Variants in DNAH9 observed in about 807,000 individuals in gnomAD.
The protein encoded by DNAH9 is dynein axonemal heavy chain 9, also known as DNAH9 variant protein.
Under a neutral mutation model 471.6 loss-of-function variants are expected in DNAH9, and 345 were observed. The ratio of observed to expected loss-of-function variants is 0.73; its 90% CI spans 0.67 to 0.80. DNAH9 has a LOEUF of 0.80. DNAH9 is among the 30% of genes least tolerant of loss of function. DNAH9 has a pLI of 0.00. For missense variants in DNAH9, 5,407 were observed against 5,609.2 expected (o/e 0.96, Z 1.15); for synonymous variants, 2,093 against 2,123.6 (o/e 0.99, Z 0.40).
intron 28 of DNAH9, among the ~76,000 whole-genome samples, chr17:11,729,945 G>A (rs2075230190): frequency 6.6e-6 from 1 of 152,208 alleles, no homozygotes. Flanking sequence ...GAAAGCCACA[G>A]GCAGTCAAGA....
rs117485230 is a variant in DNAH9, at chr17:11,741,474, C to T, written c.5973-701C>T. Among the ~76,000 whole-genome samples, 1,245 of 149,400 alleles carry T rather than the reference C, an allele frequency of 8.3e-3. 9 individuals carry two copies. Among genetic ancestry groups the T allele is most frequent in the Non-Finnish European group, 0.011 (764 of 67,994 alleles). On this transcript the variant is annotated intron_variant, in intron 29 of 68. Transcript: ENST00000262442. ...CACCATCTTAATACATATTTTAGAC[C>T]TCATCATTAGAAATTTACATTTGTA...
intron 43 of DNAH9, among the ~76,000 whole-genome samples, chr17:11,798,664 C>A (rs1298728077): frequency 6.6e-6 from 1 of 152,032 alleles, no homozygotes; most frequent in South Asian, 2.1e-4. Context: ...GCTCACTGCC[C>A]TCCAAAATCC....
chr17:11,803,842 T>C (rs1969559943), intron 43 of DNAH9, among the ~76,000 whole-genome samples: 1 of 152,236 alleles, frequency 6.6e-6, no homozygotes, highest in Non-Finnish European at 1.5e-5. Flanking sequence ...TGCCTCTCTC[T>C]TTCCTCCACT....
chr17:11,799,503 A>T (rs897523509), intron 43 of DNAH9, among the ~76,000 whole-genome samples: 1 of 151,486 alleles, frequency 6.6e-6, no homozygotes. Context: ...ACCACCATAG[A>T]CCCCATCACC....
intron 5 of DNAH9, among the ~76,000 whole-genome samples, chr17:11,618,204 T>G (rs2072784349): frequency 6.6e-6 from 1 of 152,226 alleles, no homozygotes; most frequent in African/African-American, 2.4e-5. Flanking sequence ...GAGAAGCAGC[T>G]TCTTAGATTA....
chr17:11,869,932 G>T (rs936709198), intron 51 of DNAH9, among the ~76,000 whole-genome samples: 9 of 152,190 alleles, frequency 5.9e-5, no homozygotes, highest in Admixed American at 4.6e-4. Flanking sequence ...ACATTCAGCT[G>T]GTGGCCGGGC....
rs111328300 is a variant in DNAH9 at position 11,676,502 on chromosome 17, C to T, written c.3354-3255C>T. On this transcript the variant is annotated intron_variant, in intron 17 of 68. Transcript: ENST00000262442. ...TTCTCCATGTTGGTCATGCTGGTCT[C>T]GAACTCCTGACCCCAGGTGATCCAC... Among the ~76,000 whole-genome samples, 7 of 151,940 alleles carry T rather than the reference C, an allele frequency of 4.6e-5. 1 individual carries two copies. The highest frequency in any genetic ancestry group is 1.9e-4 in the East Asian group (1 of 5,152).
intron 4 of DNAH9, among the ~76,000 whole-genome samples, chr17:11,617,027 C>T (rs1038722063): frequency 1.3e-5 from 2 of 152,308 alleles, no homozygotes; most frequent in East Asian, 1.9e-4. Context: ...AGAGGTTACA[C>T]GTGCCCAAAG....
intron 63 of DNAH9, among the ~76,000 whole-genome samples, chr17:11,931,496 C>T (rs112552564): frequency 1.8e-4 from 28 of 152,118 alleles, no homozygotes; most frequent in African/African-American, 6.3e-4. Flanking sequence ...GTGTAGGAGT[C>T]CAGCAGCCCA....
chr17:11,661,404 A>G (rs1265877469), intron 14 of DNAH9, among the ~76,000 whole-genome samples: 1 of 152,166 alleles, frequency 6.6e-6, no homozygotes, highest in East Asian at 1.9e-4. Flanking sequence ...TGGAATGCAT[A>G]GACTGTTTAC....
At chr17:11,836,281 T>A (rs899084717) in intron 49 of DNAH9, among the ~76,000 whole-genome samples, 5 of 152,226 alleles carry the variant, frequency 3.3e-5, no homozygotes, top group African/African-American at 1.2e-4. Flanking sequence ...CATTGGAATG[T>A]AGCATCTATT....
intron 56 of DNAH9, 108 bp from the exon 57 acceptor site, chr17:11,886,717 A>G: frequency 7.3e-7 from 1 of 1,377,898 alleles, no homozygotes; most frequent in East Asian, 2.4e-5. Flanking sequence ...ATCCCTCTTC[A>G]CTCCATCCCC....
intron 7 of DNAH9, chr17:11,630,588 CCTGATGCATGCGGGG>C (rs1345940659): frequency 6.6e-6 from 1 of 152,164 alleles, no homozygotes; most frequent in Non-Finnish European, 1.5e-5. Flanking sequence ...AGGACAAATA[CCTGATGCATGCGGGG>C]CTTAAAACCT....
chr17:11,894,416 T>A lies in DNAH9; in HGVS notation c.11326T>A (p.Phe3776Ile), dbSNP rs561253384. The A allele has an allele frequency of 5.4e-5, 87 of 1,614,140 alleles. 1 individual carries two copies. In the South Asian group the frequency reaches 8.9e-4, roughly 17 times the overall value. Residue 3776 changes from phenylalanine (F) to isoleucine (I), a missense_variant, in exon 59 of 69, where the codon TTC becomes ATC. Coordinates refer to ENST00000262442, the MANE Select transcript of DNAH9 (RefSeq NM_001372.4). The stretch of plus-strand genomic sequence containing the variant: ...AGAAGTCAATGCAGTGGAGTTGGAT[T>A]TCCTGCTTCGATCTCCAGTGCAGAC... ...NREVNAVELD[F>I]LLRSPVQTGT...
intron 3 of DNAH9, 93 bp downstream of exon 3, chr17:11,610,647 T>C: frequency 8.5e-7 from 1 of 1,182,808 alleles, no homozygotes; most frequent in Non-Finnish European, 1.2e-6. Context: ...CCATTGAGCC[T>C]ATTCTTCCCT....
At chr17:11,802,519 C>A (rs1969501194) in intron 43 of DNAH9, among the ~76,000 whole-genome samples, 1 of 152,056 alleles carries the variant, frequency 6.6e-6, no homozygotes, top group African/African-American at 2.4e-5. Context: ...GTAATCCCAG[C>A]TACTCAGGAG....
intron 49 of DNAH9, among the ~76,000 whole-genome samples, chr17:11,837,056 A>G (rs1970873433): frequency 6.6e-6 from 1 of 152,254 alleles, no homozygotes; most frequent in Non-Finnish European, 1.5e-5. Context: ...ATAGCTACAC[A>G]GTAAATATTT....
rs538583896 is a variant in DNAH9 at position 11,765,835 on chromosome 17, C to T, written c.7170+2221C>T. ...CGAATGCATAGGTTTAATTGCTCCC[C>T]GTCAAATGCAGTCTCTGACCTGTGG... On this transcript the variant is annotated intron_variant, in intron 36 of 68. Coordinates refer to ENST00000262442, the MANE Select transcript of DNAH9 (RefSeq NM_001372.4). 8.5e-5 allele frequency among the ~76,000 whole-genome samples: 13 copies of T among 152,254 alleles called. No homozygotes were observed. The South Asian group carries it at 1.7e-3, about 19-fold the overall frequency.
intron 45 of DNAH9, among the ~76,000 whole-genome samples, chr17:11,811,976 T>C (rs1859891): frequency 0.62 from 59,924 of 96,560 alleles, 18,343 homozygotes; most frequent in African/African-American, 0.69. Context: ...GGTGACTGAG[T>C]GAGACTCTGT....
Sources: allele counts gnomAD v4.1 joint callset (sites outside exome capture counted in the v4.1 genomes callset), GRCh38; gene constraint gnomAD v4.1.1; transcripts MANE v1.5; gene names NCBI Gene and HGNC (gene_info 2026-07-23, HGNC 2026-07-21).